The following CNGB1 variants were observed in gnomAD, a reference collection of about 807,000 sequenced individuals.
The protein encoded by CNGB1 is cyclic nucleotide gated channel subunit beta 1.
In CNGB1, 126 loss-of-function variants were observed where a neutral mutation model predicts 151.7. The ratio of observed to expected loss-of-function variants is 0.83; its 90% CI spans 0.72 to 0.96. CNGB1 has a LOEUF of 0.96. Ranked by LOEUF, CNGB1 falls within the 40% of genes least tolerant of loss-of-function variation. CNGB1 has a pLI of 0.00. For synonymous variants in CNGB1, 623 were observed against 635.1 expected, an observed-to-expected ratio of 0.98 and a Z score of 0.29; for missense variants, 1,698 against 1,627.0, an observed-to-expected ratio of 1.04 and a Z score of -0.75.
chr16:57,944,298 T>A (rs1328443255), intron 14 of CNGB1, among the ~76,000 whole-genome samples: 3 of 152,140 alleles, frequency 2.0e-5, no homozygotes, highest in African/African-American at 7.2e-5. Flanking sequence ...ACACATACCA[T>A]ATGATCTCAC....
At chr16:57,935,465 A>C (rs962859827) in intron 16 of CNGB1, among the ~76,000 whole-genome samples, 16 of 152,152 alleles carry the variant, frequency 1.1e-4, no homozygotes, top group Non-Finnish European at 1.9e-4. Context: ...AAATCACCTG[A>C]GGTCAGGAGT....
chr16:57,960,050 G>A lies in CNGB1; in HGVS notation c.599C>T (p.Pro200Leu). ...CTGCAGCTTGGGCCCCATTTCCTGG[G>A]GGCGTCCTGGAGGCGCTAAGCAGCG... Reference protein sequence around the residue: ...AASDPAPPGRPQEMGPKLQAR... With the variant: ...AASDPAPPGRLQEMGPKLQAR... Residue 200 changes from proline to leucine, a missense_variant, in exon 10 of 33, where the codon CCC becomes CTC. Physicochemically the swap from Pro to Leu is moderately conservative, Grantham distance 98. Coordinates refer to ENST00000251102, the MANE Select transcript of CNGB1 (RefSeq NM_001297.5). The A allele has an allele frequency of 6.4e-7, 1 of 1,558,766 alleles. No individual in the cohort carries two copies.
chr16:57,918,085 A>G (rs1196309637), intron 20 of CNGB1, among the ~76,000 whole-genome samples: 1 of 146,896 alleles, frequency 6.8e-6, no homozygotes, highest in Non-Finnish European at 1.5e-5. Context: ...ATGGATGGAT[A>G]GATGGGTATT....
In CNGB1 at chr16:57,907,059, C is replaced by T. The variant is rs139500351; in HGVS notation, c.2493-2184G>A. On this transcript the variant is annotated intron_variant, in intron 25 of 32. Transcript: ENST00000251102. ...AGAATCCTCCTTCATTACTCGTACT[C>T]GGTTCACATGTTGGGGTTCCCTGCA... 3.6e-3 allele frequency among the ~76,000 whole-genome samples: 554 copies of T among 152,346 alleles called. 1 individual carries two copies. The highest frequency in any genetic ancestry group is 0.013 in the African/African-American group (524 of 41,572).
At chr16:57,904,924 G>C in intron 25 of CNGB1, 49 bp from the exon 26 acceptor site, 3 of 1,612,234 alleles carry the variant, frequency 1.9e-6, no homozygotes, top group South Asian at 1.1e-5. Context: ...GCCCCACTCT[G>C]CCGCCCCGAG....
chr16:57,912,040 C>T, intron 24 of CNGB1, 165 bp from the exon 25 acceptor site: 1 of 854,676 alleles, frequency 1.2e-6, no homozygotes, highest in Non-Finnish European at 1.8e-6. Context: ...TTGTCATGAC[C>T]TGGGGCTAGG....
At chr16:57,903,140 G>GGA (rs796451878) in intron 27 of CNGB1, among the ~76,000 whole-genome samples, 1 of 151,554 alleles carries the variant, frequency 6.6e-6, no homozygotes, top group South Asian at 2.1e-4. Flanking sequence ...AGGGAAGGAG[G>GGA]GAGAGAGAGG....
At chr16:57,963,849 T>G in intron 4 of CNGB1, 2 of 520,400 alleles carry the variant, frequency 3.8e-6, no homozygotes, top group South Asian at 5.2e-5. Context: ...GTCTAATGAA[T>G]GAATGAGTGA....
At chr16:57,887,542 A>G (rs142644694) in intron 32 of CNGB1, among the ~76,000 whole-genome samples, 1 of 151,930 alleles carries the variant, frequency 6.6e-6, no homozygotes, top group East Asian at 1.9e-4. Flanking sequence ...ACTCTTGAGA[A>G]CCTGTCTGGA....
chr16:57,906,431 C>T (rs1487809484), intron 25 of CNGB1, among the ~76,000 whole-genome samples: 2 of 152,168 alleles, frequency 1.3e-5, no homozygotes, highest in African/African-American at 4.8e-5. Context: ...AGTGAGGGGA[C>T]AGGCAGGTGA....
rs538722586 is a variant in CNGB1, at chr16:57,938,588, G to A, written c.1372+842C>T. 1.4e-4 allele frequency among the ~76,000 whole-genome samples: 22 copies of A among 152,288 alleles called. 1 individual carries two copies. Among genetic ancestry groups the A allele is most frequent in the South Asian group, 6.2e-4 (3 of 4,830 alleles). ...AGACAGGTCACAGAACTGGCTCTGG[G>A]TCACACAGCAAGGAAGAGAGAAAGG... On this transcript the variant is annotated intron_variant, in intron 16 of 32. Transcript: ENST00000251102.
intron 12 of CNGB1, 87 bp downstream of exon 12, chr16:57,957,254 G>A: frequency 7.7e-7 from 1 of 1,295,306 alleles, no homozygotes. Context: ...GCCAGGGACA[G>A]CCCCCCTGCC....
chr16:57,918,117 T>A (rs1960929156), intron 20 of CNGB1, among the ~76,000 whole-genome samples: 1 of 108,132 alleles, frequency 9.2e-6, no homozygotes, highest in South Asian at 3.7e-4. Flanking sequence ...GGTTATTTAT[T>A]TATTTATTTA....
chr16:57,918,420 T>G (rs1438977838), intron 20 of CNGB1, among the ~76,000 whole-genome samples: 1 of 152,220 alleles, frequency 6.6e-6, no homozygotes, highest in Non-Finnish European at 1.5e-5. Flanking sequence ...GGGAGCCCTC[T>G]GTAAACTCTA....
chr16:57,957,325 G>T lies in CNGB1; in HGVS notation c.874+16C>A, dbSNP rs765649759. ...TTCCTAATATGTACATGGGGACTCAGTAATGTGTCACTTACTGGTCTGCAC... is the reference window on the plus strand; with the variant it reads ...TTCCTAATATGTACATGGGGACTCATTAATGTGTCACTTACTGGTCTGCAC... On this transcript the variant is annotated intron_variant, in intron 12 of 32. Transcript: ENST00000251102. 6.2e-7 allele frequency: 1 copy of T among 1,612,574 alleles called. No homozygotes were observed. Among genetic ancestry groups the T allele is most frequent in the South Asian group, 1.1e-5 (1 of 91,056 alleles).
chr16:57,897,142 A>T (rs1173805108), intron 31 of CNGB1, among the ~76,000 whole-genome samples: 1 of 151,904 alleles, frequency 6.6e-6, no homozygotes, highest in Admixed American at 6.6e-5. Flanking sequence ...TCTAGAAAAA[A>T]ATTTTAAAAA....
At chr16:57,908,013 T>G (rs1409864454) in intron 25 of CNGB1, among the ~76,000 whole-genome samples, 1 of 152,188 alleles carries the variant, frequency 6.6e-6, no homozygotes, top group Non-Finnish European at 1.5e-5. Context: ...CTCAGCCTCT[T>G]GAGTAGCTGG....
chr16:57,912,497 C>T (rs1960745380), intron 24 of CNGB1, among the ~76,000 whole-genome samples: 1 of 152,094 alleles, frequency 6.6e-6, no homozygotes, highest in Admixed American at 6.5e-5. Context: ...GCCTGGCTTC[C>T]AGTGGAGACG....
At chr16:57,938,809 G>A (rs1269156785) in intron 16 of CNGB1, among the ~76,000 whole-genome samples, 4 of 152,166 alleles carry the variant, frequency 2.6e-5, no homozygotes, top group African/African-American at 9.7e-5. Flanking sequence ...CAGCTCCAGG[G>A]TCCAGCTGTT....
Sources: gnomAD v4.1 joint callset for allele counts (sites outside exome capture counted in the v4.1 genomes callset) on GRCh38, gnomAD v4.1.1 for gene constraint, MANE v1.5 for transcripts, NCBI Gene and HGNC (gene_info 2026-07-23, HGNC 2026-07-21) for gene names.